Variants in NELL1 observed in about 807,000 individuals in gnomAD.
NELL1 encodes the protein neural EGFL like 1, also known as protein kinase C-binding protein NELL1.
A neutral mutation model predicts 107.4 loss-of-function variants in NELL1; 76 were observed. The observed-to-expected ratio is 0.71, with a 90% CI of 0.59 to 0.86. The LOEUF (loss-of-function observed/expected upper bound fraction) is 0.86, where lower values mean the gene tolerates loss of function less well. NELL1 is among the 40% of genes least tolerant of loss of function. The pLI is 0.00. For synonymous variants in NELL1, 353 were observed against 341.2 expected, an observed-to-expected ratio of 1.03 and a Z score of -0.38; for missense variants, 1,024 against 1,005.5, an observed-to-expected ratio of 1.02 and a Z score of -0.25.
intron 2 of NELL1, among the ~76,000 whole-genome samples, chr11:20,709,215 C>A (rs1715282): frequency 0.82 from 124,795 of 152,090 alleles, 51,569 homozygotes; most frequent in African/African-American, 0.86. Context: ...TGATTTTTGT[C>A]TAAGGAGAGA....
intron 16 of NELL1, 101 bp downstream of exon 16, chr11:21,534,615 T>C: frequency 7.9e-7 from 1 of 1,262,458 alleles, no homozygotes; most frequent in South Asian, 1.3e-5. Flanking sequence ...AATATGACCA[T>C]TCATTGGTTA....
intron 12 of NELL1, among the ~76,000 whole-genome samples, chr11:21,049,938 T>A (rs551490777): frequency 8.9e-6 from 1 of 112,398 alleles, no homozygotes; most frequent in South Asian, 2.4e-4. Context: ...GCCATTAATT[T>A]GTGGCCTATT....
chr11:21,229,622 T>G (rs1857990675), intron 14 of NELL1, among the ~76,000 whole-genome samples, 168 bp downstream of exon 14: 2 of 152,190 alleles, frequency 1.3e-5, no homozygotes, highest in Admixed American at 1.3e-4. Flanking sequence ...GAAAAATGCT[T>G]CAGGTTTAGC....
At chr11:21,551,119 C>G (rs1564955868) in intron 16 of NELL1, among the ~76,000 whole-genome samples, 1 of 151,548 alleles carries the variant, frequency 6.6e-6, no homozygotes, top group Non-Finnish European at 1.5e-5. Flanking sequence ...AATGGGAGTT[C>G]ACTCATGATT....
intron 12 of NELL1, among the ~76,000 whole-genome samples, chr11:21,051,889 A>G (rs1290307912): frequency 1.3e-5 from 2 of 152,308 alleles, no homozygotes; most frequent in East Asian, 1.9e-4. Context: ...TGGGGATTAC[A>G]TCCTAGCAAG....
chr11:21,274,229 C>CA (rs1048407043), intron 14 of NELL1, among the ~76,000 whole-genome samples: 2 of 151,272 alleles, frequency 1.3e-5, no homozygotes, highest in Admixed American at 6.6e-5. Flanking sequence ...AAATGGAAAA[C>CA]AAAAAAAAGC....
At chr11:20,755,865 G>GTTTTTTTTTTTTTTTTT (rs574606148) in intron 2 of NELL1, among the ~76,000 whole-genome samples, 2 of 122,068 alleles carry the variant, frequency 1.6e-5, no homozygotes, top group Non-Finnish European at 3.4e-5. Flanking sequence ...CAGACCTGCG[G>GTTTTTTTTTTTTTTTTT]TTTTTTTTTT....
At chr11:21,288,381 C>T (rs1039181130) in intron 14 of NELL1, among the ~76,000 whole-genome samples, 3 of 152,154 alleles carry the variant, frequency 2.0e-5, no homozygotes, top group Non-Finnish European at 2.9e-5. Flanking sequence ...TCATCTTAGC[C>T]TTTATCAGTT....
intron 12 of NELL1, among the ~76,000 whole-genome samples, chr11:21,010,239 C>G (rs1852417854): frequency 6.6e-6 from 1 of 152,050 alleles, no homozygotes; most frequent in Non-Finnish European, 1.5e-5. Context: ...TCTTAAGTTG[C>G]TTCTACTGTT....
At chr11:21,102,116 G>T (rs1854834265) in intron 12 of NELL1, among the ~76,000 whole-genome samples, 1 of 152,146 alleles carries the variant, frequency 6.6e-6, no homozygotes, top group Non-Finnish European at 1.5e-5. Flanking sequence ...GCCTCCCAAA[G>T]TGCTGGAATG....
chr11:20,978,620 T>C (rs768500022), intron 12 of NELL1, among the ~76,000 whole-genome samples: 6 of 152,182 alleles, frequency 3.9e-5, no homozygotes, highest in Non-Finnish European at 5.9e-5. Context: ...TAGTCTCCCA[T>C]AGATTCAGGC....
intron 14 of NELL1, among the ~76,000 whole-genome samples, chr11:21,234,135 G>A (rs565166989): frequency 6.6e-6 from 1 of 152,272 alleles, no homozygotes; most frequent in African/African-American, 2.4e-5. Flanking sequence ...GATTCCTTTG[G>A]TTGCAAGTAA....
In NELL1 at chr11:21,570,788, A is replaced by T. The variant is rs770217030; in HGVS notation, c.2005A>T (p.Thr669Ser). 1 of 1,611,290 alleles carries T rather than the reference A, an allele frequency of 6.2e-7. No individual in the cohort carries two copies. ...CKDGKIFCRR[T>S]ACDCQNPSAD... ...GGATGGCAAGATATTCTGCCGACGGACAGCTTGTGATTGCCAGAATCCAAG... is the reference window on the plus strand; with the variant it reads ...GGATGGCAAGATATTCTGCCGACGGTCAGCTTGTGATTGCCAGAATCCAAG... Residue 669 changes from threonine to serine, a missense_variant, in exon 18 of 20, where the codon ACA becomes TCA. Thr to Ser is a moderately conservative substitution (Grantham distance 58). Coordinates refer to ENST00000357134, the MANE Select transcript of NELL1 (RefSeq NM_006157.5).
rs199795196 is a variant in NELL1, at chr11:21,455,301, CT to C, written c.1646-79063del. Among the ~76,000 whole-genome samples, 85 of 121,792 alleles carry C rather than the reference CT, an allele frequency of 7.0e-4. 2 individuals are homozygous for C. Among genetic ancestry groups the C allele is most frequent in the African/African-American group, 1.3e-3 (44 of 33,192 alleles). The allele number at this position is 121,792 out of a possible 152,430, so 79.9% of individuals were successfully genotyped here. A position where few individuals can be genotyped will look rare whatever the true frequency, so the allele number is the denominator to read the frequency against. On this transcript the variant is annotated intron_variant, in intron 15 of 19. Transcript: ENST00000357134. ...CTTTTTTTTATCTGGTGGCTATTTC[CT>C]TTTTTTTTTCTTTTATTCTTTTTTT...
chr11:21,013,449 A>G (rs950947403), intron 12 of NELL1, among the ~76,000 whole-genome samples: 1 of 152,138 alleles, frequency 6.6e-6, no homozygotes, highest in Admixed American at 6.5e-5. Flanking sequence ...GAGCTGCAGC[A>G]CTGGGCTATG....
intron 14 of NELL1, among the ~76,000 whole-genome samples, chr11:21,274,658 T>G (rs905119877): frequency 6.6e-6 from 1 of 152,188 alleles, no homozygotes; most frequent in African/African-American, 2.4e-5. Context: ...AGTAAAGCAC[T>G]CCTCAGCGAA....
chr11:21,156,468 A>G (rs16907562), intron 13 of NELL1, among the ~76,000 whole-genome samples: 36,449 of 151,950 alleles, frequency 0.24, 5,096 homozygotes, highest in East Asian at 0.49. Context: ...GTCAGAAACA[A>G]GGAAAAAGGA....
chr11:21,259,446 A>G (rs1275540718), intron 14 of NELL1, among the ~76,000 whole-genome samples: 1 of 151,876 alleles, frequency 6.6e-6, no homozygotes, highest in Non-Finnish European at 1.5e-5. Flanking sequence ...AGCATGAGTA[A>G]AGTTATGGAA....
chr11:21,516,138 G>A (rs866292939), intron 15 of NELL1, among the ~76,000 whole-genome samples: 104 of 152,148 alleles, frequency 6.8e-4, no homozygotes, highest in Non-Finnish European at 1.6e-4. Flanking sequence ...ACCTGAACTT[G>A]AATCCCAGGT....
Sources: gnomAD v4.1 joint callset for allele counts (sites outside exome capture counted in the v4.1 genomes callset) on GRCh38, gnomAD v4.1.1 for gene constraint, MANE v1.5 for transcripts, NCBI Gene and HGNC (gene_info 2026-07-23, HGNC 2026-07-21) for gene names.